Variants in KMT2C observed in about 807,000 individuals in gnomAD.
The protein encoded by KMT2C is lysine methyltransferase 2C.
Under a neutral mutation model 507.9 loss-of-function variants are expected in KMT2C, and 88 were observed. The ratio of observed to expected loss-of-function variants is 0.17; its 90% confidence interval spans 0.15 to 0.21. The LOEUF (loss-of-function observed/expected upper bound fraction) is 0.21. Ranked by LOEUF, KMT2C falls within the 10% of genes least tolerant of loss-of-function variation. The pLI is 1.00. For synonymous variants in KMT2C, 2,049 were observed against 2,080.8 expected, an observed-to-expected ratio of 0.98 and a Z score of 0.42; for missense variants, 4,954 against 5,957.8, an observed-to-expected ratio of 0.83 and a Z score of 5.55.
intron 2 of KMT2C, among the ~76,000 whole-genome samples, chr7:152,343,471 CAG>C (rs1038029474): frequency 8.0e-6 from 1 of 125,562 alleles, no homozygotes; most frequent in African/African-American, 3.1e-5. Flanking sequence ...AAAAAAAGAA[CAG>C]AATGTTTAAT....
chr7:152,297,059 G>GAAAGAC (rs1563767704), intron 6 of KMT2C, among the ~76,000 whole-genome samples: 462 of 64,082 alleles, frequency 7.2e-3, no homozygotes, highest in East Asian at 0.012. Context: ...GAAAGACAGA[G>GAAAGAC]AGAGAGAGAG....
At chr7:152,237,026 T>TC (rs760071735) in intron 15 of KMT2C, among the ~76,000 whole-genome samples, 67 of 152,310 alleles carry the variant, frequency 4.4e-4, no homozygotes, top group Non-Finnish European at 8.5e-4. Flanking sequence ...TTTCAGACAT[T>TC]AAGTACCAGA....
At chr7:152,197,582 AT>A (rs2094002266) in intron 27 of KMT2C, among the ~76,000 whole-genome samples, 1 of 152,194 alleles carries the variant, frequency 6.6e-6, no homozygotes, top group Non-Finnish European at 1.5e-5. Flanking sequence ...ATGAAAAAAA[AT>A]CTGGATAATT....
rs75889979 is a variant in KMT2C, at chr7:152,419,930, T to G, written c.161+15696A>C. 7.3e-3 allele frequency among the ~76,000 whole-genome samples: 1,110 copies of G among 152,354 alleles called. 9 individuals carry two copies. The highest frequency in any genetic ancestry group is 0.013 in the Non-Finnish European group (858 of 68,020). On this transcript the variant is annotated intron_variant, in intron 1 of 58. Transcript: ENST00000262189. ...TTTTTCTCTTCGGTAAAGTCTGTTT[T>G]CATTTTTAAACACTCAACAAAGATG...
Position 152,163,072 on chromosome 7 carries a change from A to G in KMT2C, c.10505T>C (p.Met3502Thr), listed in dbSNP as rs2092541757. The G allele has an allele frequency of 1.9e-6, 3 of 1,614,124 alleles. No individual in the cohort carries two copies. Among genetic ancestry groups the G allele is most frequent in the Admixed American group, 1.7e-5 (1 of 60,010 alleles). The change falls in exon 43 of 59, where the codon ATG (methionine) becomes ACG (threonine). Residue 3502 changes from methionine (M) to threonine (T), a missense_variant. Physicochemically the swap from Met to Thr is moderately conservative, Grantham distance 81. Transcript: ENST00000262189. ...SINSPSTQTF[M>T]QTNERRQVGP... ...TACCTGCCTTCGCTCATTAGTCTGC[A>G]TGAAAGTTTGGGTGGAGGGTGAATT... is the stretch of plus-strand genomic sequence containing the variant.
Position 152,181,144 on chromosome 7 carries a change from G to A in KMT2C, c.6716C>T (p.Thr2239Ile). Residue 2239 changes from threonine to isoleucine, a missense_variant, in exon 36 of 59, where the codon ACA becomes ATA. Around this residue, in one of 29 missense-constraint regions of KMT2C, gnomAD observed 1,689 missense variants for 1,654.3 expected, o/e 1.02. Transcript: ENST00000262189. ...ISEGFTRSSM[T>I]RPVLMPNQDP... ...CTGATTTGGCATGAGGACTGGTCTTGTCATTGAGGACCTAGTAAAACCCTC... is the reference window on the plus strand; with the variant it reads ...CTGATTTGGCATGAGGACTGGTCTTATCATTGAGGACCTAGTAAAACCCTC... 2 of 1,614,180 alleles carry A rather than the reference G, an allele frequency of 1.2e-6. No individual in the cohort carries two copies. Among genetic ancestry groups the A allele is most frequent in the Non-Finnish European group, 1.7e-6 (2 of 1,180,042 alleles).
intron 31 of KMT2C, among the ~76,000 whole-genome samples, chr7:152,192,490 G>A (rs866722127): frequency 6.6e-6 from 1 of 151,652 alleles, no homozygotes; most frequent in South Asian, 2.1e-4. Context: ...GCAGTGAGCC[G>A]AGATCACGCC....
intron 6 of KMT2C, among the ~76,000 whole-genome samples, chr7:152,306,058 C>G (rs1453728076): frequency 6.6e-6 from 1 of 152,148 alleles, no homozygotes; most frequent in Non-Finnish European, 1.5e-5. Context: ...TATTAAAAAA[C>G]ATGAGTTTAT....
intron 1 of KMT2C, chr7:152,368,470 G>A (rs2097265364): frequency 1.6e-6 from 2 of 1,231,664 alleles, no homozygotes; most frequent in Non-Finnish European, 2.3e-6. Context: ...AAAACTAAAG[G>A]ACTCTGAAGC....
At chr7:152,379,658 G>T (rs1166846035) in intron 1 of KMT2C, among the ~76,000 whole-genome samples, 1 of 152,280 alleles carries the variant, frequency 6.6e-6, no homozygotes, top group Non-Finnish European at 1.5e-5. Flanking sequence ...CTTGACCCCA[G>T]GAGTTCAAGG....
At chr7:152,255,069 G>T (rs1415537938) in intron 9 of KMT2C, among the ~76,000 whole-genome samples, 1 of 137,100 alleles carries the variant, frequency 7.3e-6, no homozygotes, top group East Asian at 2.1e-4. Context: ...CTTGTTCTTG[G>T]TTAGGATGTC....
At chr7:152,427,904 A>G (rs1325306814) in intron 1 of KMT2C, among the ~76,000 whole-genome samples, 1 of 152,154 alleles carries the variant, frequency 6.6e-6, no homozygotes, top group Non-Finnish European at 1.5e-5. Flanking sequence ...AGTGACTGGA[A>G]TCTTCCTCCC....
In KMT2C at chr7:152,195,898, C is replaced by CA. The variant is rs1281580789; in HGVS notation, c.4378+8dup. 4.1e-6 allele frequency: 6 copies of CA among 1,459,804 alleles called. No individual in the cohort carries two copies. Among genetic ancestry groups the CA allele is most frequent in the Non-Finnish European group, 5.7e-6 (6 of 1,046,010 alleles). 90.4% of individuals were successfully genotyped at this position (1,459,804 alleles called of 1,614,324 possible). Reference sequence around the variant, plus strand: ...AACCAGAAAAAGGGTAAACAGTATTCATATATACCTGAATGATCAACTGAT... The same window carrying CA: ...AACCAGAAAAAGGGTAAACAGTATTCAATATATACCTGAATGATCAACTGAT... On this transcript the variant is annotated intron_variant, in intron 28 of 58. Transcript: ENST00000262189.
chr7:152,396,779 A>G (rs1000828348), intron 1 of KMT2C, among the ~76,000 whole-genome samples: 2 of 152,224 alleles, frequency 1.3e-5, no homozygotes, highest in African/African-American at 4.8e-5. Flanking sequence ...GGAAAAAGGC[A>G]TACTCTGTTG....
chr7:152,293,247 ATT>A (rs1302868149), intron 6 of KMT2C, among the ~76,000 whole-genome samples: 6 of 152,228 alleles, frequency 3.9e-5, no homozygotes, highest in African/African-American at 1.4e-4. Context: ...TGTAGTAACA[ATT>A]GGCTGTCCAT....
chr7:152,330,267 T>C (rs1456597510), intron 3 of KMT2C, among the ~76,000 whole-genome samples: 1 of 152,044 alleles, frequency 6.6e-6, no homozygotes, highest in Non-Finnish European at 1.5e-5. Context: ...AACTATCAAC[T>C]TAAGTTTACA....
At chr7:152,417,931 C>T (rs1414417134) in intron 1 of KMT2C, among the ~76,000 whole-genome samples, 6 of 136,760 alleles carry the variant, frequency 4.4e-5, no homozygotes, top group East Asian at 2.3e-4. Flanking sequence ...CATGAGCCAC[C>T]GCGCCCACCC....
intron 41 of KMT2C, among the ~76,000 whole-genome samples, chr7:152,167,663 T>C (rs2092791171): frequency 6.6e-6 from 1 of 152,206 alleles, no homozygotes; most frequent in African/African-American, 2.4e-5. Flanking sequence ...GTAATGAAAT[T>C]CTTTTTTTTT....
chr7:152,182,356 G>C lies in KMT2C; in HGVS notation c.5504C>G (p.Pro1835Arg), dbSNP rs1239127912. The C allele has an allele frequency of 6.2e-7, 1 of 1,613,682 alleles. No individual in the cohort carries two copies. The stretch of plus-strand genomic sequence containing the variant: ...TGAAGATGTAGACGTAGGGGTACTG[G>C]GTGGCTGTTTTGTAAACAGTTCTTT... Reference protein sequence around the residue: ...FHKELFTKQPPSTPTSTSSDD... With the variant: ...FHKELFTKQPRSTPTSTSSDD... The change falls in exon 36 of 59, where the codon CCC becomes CGC. Residue 1835 changes from proline to arginine, a missense_variant. Physicochemically the swap from Pro to Arg is moderately radical, Grantham distance 103. Around this residue, in one of 29 missense-constraint regions of KMT2C, gnomAD observed 1,689 missense variants for 1,654.3 expected, o/e 1.02. Coordinates refer to ENST00000262189, the MANE Select transcript of KMT2C (RefSeq NM_170606.3).
Sources: allele counts gnomAD v4.1 joint callset (sites outside exome capture counted in the v4.1 genomes callset), GRCh38; gene constraint gnomAD v4.1.1; regional missense constraint gnomAD v4.1.1; transcripts MANE v1.5; gene names NCBI Gene and HGNC (gene_info 2026-07-23, HGNC 2026-07-21).